Variants in CADM2 observed in about 807,000 individuals in gnomAD.
The protein encoded by CADM2 is cell adhesion molecule 2, also known as immunoglobulin superfamily member 4D.
In CADM2, 12 loss-of-function variants were observed where a neutral mutation model predicts 49.8. The observed-to-expected ratio is 0.24, with a 90% CI of 0.15 to 0.39. CADM2 has a LOEUF of 0.39. Ranked by LOEUF, CADM2 falls within the 10% of genes least tolerant of loss-of-function variation. The probability of loss-of-function intolerance (pLI) is 1.00; values close to 1 mark genes in which losing one functional copy is unlikely to be tolerated. For synonymous variants in CADM2, 214 were observed against 175.4 expected, an observed-to-expected ratio of 1.22 and a Z score of -1.74; for missense variants, 378 against 492.3, an observed-to-expected ratio of 0.77 and a Z score of 2.20.
At chr3:85,057,795 T>C (rs1014979962) in intron 1 of CADM2, among the ~76,000 whole-genome samples, 15 of 152,172 alleles carry the variant, frequency 9.9e-5, no homozygotes, top group African/African-American at 3.6e-4. Flanking sequence ...CCCTCCTTTA[T>C]TGAATAGTTC....
intron 1 of CADM2, among the ~76,000 whole-genome samples, chr3:85,602,592 G>T (rs548747843): frequency 2.5e-4 from 38 of 151,794 alleles, no homozygotes; most frequent in Admixed American, 1.4e-3. Flanking sequence ...TCTTAGTGTG[G>T]TTGCTGGGCA....
At chr3:85,762,946 T>G (rs1441642482) in intron 2 of CADM2, among the ~76,000 whole-genome samples, 1 of 151,912 alleles carries the variant, frequency 6.6e-6, no homozygotes, top group Non-Finnish European at 1.5e-5. Context: ...TTTTAAAATT[T>G]TATTTTATTT....
At chr3:85,675,455 T>C (rs1481912559) in intron 1 of CADM2, among the ~76,000 whole-genome samples, 2 of 152,224 alleles carry the variant, frequency 1.3e-5, no homozygotes, top group African/African-American at 4.8e-5. Flanking sequence ...AAAAAGATCA[T>C]GAATCAAAGT....
chr3:85,756,663 C>T (rs987139890), intron 2 of CADM2, among the ~76,000 whole-genome samples: 1 of 152,012 alleles, frequency 6.6e-6, no homozygotes, highest in African/African-American at 2.4e-5. Context: ...AATATGTAAC[C>T]TATTTATGAG....
intron 8 of CADM2, among the ~76,000 whole-genome samples, chr3:86,043,958 G>A (rs899964316): frequency 6.6e-6 from 1 of 152,070 alleles, no homozygotes; most frequent in Non-Finnish European, 1.5e-5. Context: ...CAAGAAATGG[G>A]GAAACGGTTC....
At chr3:85,542,902 C>G (rs774462553) in intron 1 of CADM2, among the ~76,000 whole-genome samples, 1 of 152,160 alleles carries the variant, frequency 6.6e-6, no homozygotes, top group Non-Finnish European at 1.5e-5. Context: ...AATCATTCAA[C>G]TATTTAAGAG....
rs1280737881 is a variant in CADM2 at position 85,761,369 on chromosome 3, T to A, written c.88+34821T>A. Among the ~76,000 whole-genome samples the A allele has an allele frequency of 1.4e-4, 17 of 121,098 alleles. 3 individuals carry two copies. The highest frequency in any genetic ancestry group is 1.0e-4 in the Non-Finnish European group (6 of 60,130). 79.4% of individuals were successfully genotyped at this position (121,098 alleles called of 152,430 possible). On this transcript the variant is annotated intron_variant, in intron 2 of 9. Coordinates refer to ENST00000383699, the MANE Select transcript of CADM2 (RefSeq NM_001167675.2). ...AACTGTTGATATACAACACAAAACT[T>A]TTTTTTTTTTTTTTTTTTTTTGGAG...
intron 3 of CADM2, among the ~76,000 whole-genome samples, chr3:85,845,353 A>G (rs1417851127): frequency 6.6e-6 from 1 of 152,078 alleles, no homozygotes; most frequent in Non-Finnish European, 1.5e-5. Context: ...TCAGATGACC[A>G]ACTCACGGGG....
chr3:85,141,033 G>C (rs1490837582), intron 1 of CADM2, among the ~76,000 whole-genome samples: 1 of 152,076 alleles, frequency 6.6e-6, no homozygotes, highest in African/African-American at 2.4e-5. Flanking sequence ...TTTAGTCAGA[G>C]ACTAAATATA....
At chr3:85,372,401 A>ATATGTATATATATGTATATATG (rs1559806193) in intron 1 of CADM2, among the ~76,000 whole-genome samples, 1 of 128,948 alleles carries the variant, frequency 7.8e-6, no homozygotes, top group Non-Finnish European at 1.6e-5. Context: ...AGATATATGT[A>ATATGTATATATATGTATATATG]TATGTATATA....
At chr3:85,456,388 G>A (rs2037991115) in intron 1 of CADM2, among the ~76,000 whole-genome samples, 2 of 152,002 alleles carry the variant, frequency 1.3e-5, no homozygotes, top group South Asian at 2.1e-4. Context: ...GTAACACTTG[G>A]CTATTAGGTT....
At chr3:85,032,760 C>T (rs1231964511) in intron 1 of CADM2, among the ~76,000 whole-genome samples, 2 of 152,008 alleles carry the variant, frequency 1.3e-5, no homozygotes, top group South Asian at 2.1e-4. Flanking sequence ...TCATTTTTCA[C>T]ATACTATACG....
Position 85,034,158 on chromosome 3 carries a change from G to A in CADM2, c.61+74490G>A, listed in dbSNP as rs575881220. 2.6e-4 allele frequency among the ~76,000 whole-genome samples: 39 copies of A among 152,176 alleles called. 1 individual carries two copies. The South Asian group carries it at 7.9e-3, about 31-fold the overall frequency. ...TATAGTCTTCTAGTTATTTTTAAAG[G>A]CATGCACAAGAAATTATTGTCTACT... On this transcript the variant is annotated intron_variant, in intron 1 of 9. Coordinates refer to ENST00000383699, the MANE Select transcript of CADM2 (RefSeq NM_001167675.2).
chr3:85,704,801 C>T (rs1381079066), intron 1 of CADM2, among the ~76,000 whole-genome samples: 1 of 151,756 alleles, frequency 6.6e-6, no homozygotes, highest in Non-Finnish European at 1.5e-5. Flanking sequence ...TCAATCTCCT[C>T]CAGAATATAT....
chr3:85,266,315 G>A (rs1355338547), intron 1 of CADM2, among the ~76,000 whole-genome samples: 1 of 151,840 alleles, frequency 6.6e-6, no homozygotes, highest in Admixed American at 6.6e-5. Flanking sequence ...GAATTCAAAT[G>A]TGATATAAGG....
intron 3 of CADM2, among the ~76,000 whole-genome samples, chr3:85,857,674 T>C (rs1020310996): frequency 1.2e-4 from 18 of 152,076 alleles, no homozygotes; most frequent in African/African-American, 4.3e-4. Context: ...GCAGAACAAA[T>C]TGGTGGTAAG....
intron 1 of CADM2, among the ~76,000 whole-genome samples, chr3:85,319,934 A>T (rs1194235950): frequency 7.9e-5 from 12 of 152,216 alleles, no homozygotes. Context: ...TAAGAGTTTT[A>T]AAAAATCATT....
At chr3:85,138,245 A>G (rs1002117527) in intron 1 of CADM2, among the ~76,000 whole-genome samples, 8 of 152,030 alleles carry the variant, frequency 5.3e-5, no homozygotes, top group Non-Finnish European at 1.2e-4. Flanking sequence ...ATACCTTTTT[A>G]TACTTAGTAT....
chr3:85,941,537 T>C (rs1721907680), intron 7 of CADM2, among the ~76,000 whole-genome samples: 2 of 152,018 alleles, frequency 1.3e-5, no homozygotes, highest in Non-Finnish European at 2.9e-5. Flanking sequence ...TGAACCTCAG[T>C]TGGGGTAAAA....
Sources: gnomAD v4.1 joint callset for allele counts (sites outside exome capture counted in the v4.1 genomes callset) on GRCh38, gnomAD v4.1.1 for gene constraint, MANE v1.5 for transcripts, NCBI Gene and HGNC (gene_info 2026-07-23, HGNC 2026-07-21) for gene names.